The following FRAS1 variants were observed in gnomAD, a reference collection of about 807,000 sequenced individuals.
The protein encoded by FRAS1 is Fraser extracellular matrix complex subunit 1, also known as extracellular matrix organizing protein FRAS1.
FRAS1 carries 290 observed loss-of-function variants against 435.2 expected under a neutral mutation model. That is an observed-to-expected ratio of 0.67 (90% CI 0.61 to 0.73). FRAS1 has a LOEUF of 0.73. FRAS1 is among the 30% of genes least tolerant of loss of function. The pLI is 0.00. For missense variants in FRAS1, 4,860 were observed against 5,001.5 expected, an observed-to-expected ratio of 0.97 and a Z score of 0.85; for synonymous variants, 1,800 against 1,851.0, an observed-to-expected ratio of 0.97 and a Z score of 0.71.
At chr4:78,507,061 T>C (rs1226793604) in intron 61 of FRAS1, among the ~76,000 whole-genome samples, 1 of 152,084 alleles carries the variant, frequency 6.6e-6, no homozygotes, top group African/African-American at 2.4e-5. Flanking sequence ...CAGGAGCTCA[T>C]GCAAAATGTA....
chr4:78,175,410 T>C (rs144251684), intron 2 of FRAS1, among the ~76,000 whole-genome samples: 185 of 152,256 alleles, frequency 1.2e-3, no homozygotes, highest in African/African-American at 4.3e-3. Context: ...TACTCTGCCA[T>C]TGAATGCACC....
intron 2 of FRAS1, among the ~76,000 whole-genome samples, chr4:78,113,741 T>C (rs1742914587): frequency 6.6e-6 from 1 of 152,184 alleles, no homozygotes; most frequent in Admixed American, 6.5e-5. Context: ...CTTTGTTAGA[T>C]GAGTAGATTG....
intron 18 of FRAS1, among the ~76,000 whole-genome samples, chr4:78,329,597 GTC>G (rs1212876403): frequency 6.6e-6 from 1 of 152,208 alleles, no homozygotes; most frequent in East Asian, 1.9e-4. Flanking sequence ...ATTTAAGACA[GTC>G]TGTTATGTGG....
At chr4:78,091,879 G>A (rs1741542827) in intron 2 of FRAS1, among the ~76,000 whole-genome samples, 2 of 143,720 alleles carry the variant, frequency 1.4e-5, no homozygotes. Context: ...GGGTATAGTA[G>A]TATGTGCCTG....
intron 20 of FRAS1, among the ~76,000 whole-genome samples, chr4:78,355,958 A>T (rs1377346291): frequency 6.6e-6 from 1 of 152,190 alleles, no homozygotes; most frequent in Non-Finnish European, 1.5e-5. Flanking sequence ...AAATAAGAAG[A>T]ATTCACGAGT....
intron 2 of FRAS1, among the ~76,000 whole-genome samples, chr4:78,091,623 T>TTGTGTGTGTG (rs10631175): frequency 1.1e-4 from 16 of 148,104 alleles, no homozygotes; most frequent in African/African-American, 3.0e-4. Flanking sequence ...ACACGTGTGT[T>TTGTGTGTGTG]TGTGTGTGTG....
intron 2 of FRAS1, among the ~76,000 whole-genome samples, chr4:78,140,427 G>A (rs948800571): frequency 6.6e-6 from 1 of 152,018 alleles, no homozygotes. Context: ...AACTGGATTA[G>A]TTTTCTAGTT....
intron 2 of FRAS1, among the ~76,000 whole-genome samples, chr4:78,101,296 C>G (rs10213609): frequency 1.3e-5 from 2 of 151,840 alleles, no homozygotes; most frequent in East Asian, 3.9e-4. Context: ...GATTAGAACA[C>G]CTTTGTGCTT....
At chr4:78,518,666 T>C (rs542264059) in intron 66 of FRAS1, among the ~76,000 whole-genome samples, 1 of 152,112 alleles carries the variant, frequency 6.6e-6, no homozygotes, top group East Asian at 1.9e-4. Flanking sequence ...TTAGAAGAAA[T>C]GTTCTCTTGG....
In FRAS1 at chr4:78,121,875, T is replaced by C. The variant is rs777502270; in HGVS notation, c.108+55859T>C. ...AGCTCTTGGATGGTAAATCTTGGGA[T>C]GCCCAAAGGTAAAGACATTGACATG... is the stretch of plus-strand genomic sequence containing the variant. On this transcript the variant is annotated intron_variant, in intron 2 of 73. Coordinates refer to ENST00000512123, the MANE Select transcript of FRAS1 (RefSeq NM_025074.7). Among the ~76,000 whole-genome samples, 7 of 152,308 alleles carry C rather than the reference T, an allele frequency of 4.6e-5. No individual in the cohort carries two copies. The East Asian group carries it at 5.8e-4, about 13-fold the overall frequency.
chr4:78,524,129 AT>A (rs1171592233), intron 69 of FRAS1, among the ~76,000 whole-genome samples: 1 of 152,158 alleles, frequency 6.6e-6, no homozygotes, highest in African/African-American at 2.4e-5. Context: ...AACACAGCTC[AT>A]TATCTTATGA....
Position 78,329,363 on chromosome 4 carries a change from T to C in FRAS1, c.2138-3909T>C, listed in dbSNP as rs369531923. Among the ~76,000 whole-genome samples, 6 of 152,336 alleles carry C rather than the reference T, an allele frequency of 3.9e-5. No individual in the cohort carries two copies. In the East Asian group the frequency reaches 7.7e-4, roughly 20 times the overall value. On this transcript the variant is annotated intron_variant, in intron 18 of 73. Coordinates refer to ENST00000512123, the MANE Select transcript of FRAS1 (RefSeq NM_025074.7). The stretch of plus-strand genomic sequence containing the variant: ...CCTCCCCCTCAATGCATTTAATTAA[T>C]GAAGTGCTACAGCGAATTCTAAAGA...
intron 2 of FRAS1, among the ~76,000 whole-genome samples, chr4:78,136,935 C>T (rs1161800281): frequency 1.3e-5 from 2 of 152,232 alleles, no homozygotes; most frequent in African/African-American, 2.4e-5. Flanking sequence ...TTTTGGGATA[C>T]AGGGGTGAAT....
intron 2 of FRAS1, among the ~76,000 whole-genome samples, chr4:78,188,990 A>G (rs1722409920): frequency 6.6e-6 from 1 of 152,192 alleles, no homozygotes; most frequent in African/African-American, 2.4e-5. Context: ...CTAATTAATT[A>G]TGTCCAGGTG....
rs117369215 is a variant in FRAS1 at position 78,180,834 on chromosome 4, C to G, written c.109-56676C>G. ...CAAAAGCTTTGAACAGAAGGGTTCA[C>G]GAAGGAACCAGGGTTGTCTTATGGC... On this transcript the variant is annotated intron_variant, in intron 2 of 73. Coordinates refer to ENST00000512123, the MANE Select transcript of FRAS1 (RefSeq NM_025074.7). The G allele has an allele frequency of 6.0e-4, 896 of 1,493,538 alleles. 2 individuals carry two copies. The African/African-American group carries it at 0.011, about 18-fold the overall frequency. 92.5% of individuals were successfully genotyped at this position (1,493,538 alleles called of 1,614,324 possible). A position where few individuals can be genotyped will look rare whatever the true frequency, so the allele number is the denominator to read the frequency against.
chr4:78,286,339 T>C (rs940484831), intron 13 of FRAS1, 66 bp from the exon 14 acceptor site: 2 of 1,588,348 alleles, frequency 1.3e-6, no homozygotes, highest in Admixed American at 1.7e-5. Context: ...AGCACTGGCA[T>C]GGGGGTGGTG....
At chr4:78,440,269 T>G (rs536898858) in intron 40 of FRAS1, among the ~76,000 whole-genome samples, 5 of 151,996 alleles carry the variant, frequency 3.3e-5, no homozygotes, top group African/African-American at 7.2e-5. Context: ...CCTGACCTCA[T>G]GATCCACCCG....
intron 2 of FRAS1, among the ~76,000 whole-genome samples, chr4:78,116,517 T>C (rs1208036889): frequency 6.6e-6 from 1 of 152,218 alleles, no homozygotes; most frequent in Non-Finnish European, 1.5e-5. Context: ...GGTGCTCCTG[T>C]ATTGGGTTCA....
chr4:78,214,014 C>T (rs1182724463), intron 2 of FRAS1, among the ~76,000 whole-genome samples: 5 of 152,174 alleles, frequency 3.3e-5, no homozygotes, highest in Admixed American at 6.5e-5. Flanking sequence ...AGCTGGAACT[C>T]GGGAATAAGG....
Sources: allele counts gnomAD v4.1 joint callset (sites outside exome capture counted in the v4.1 genomes callset), GRCh38; gene constraint gnomAD v4.1.1; transcripts MANE v1.5; gene names NCBI Gene and HGNC (gene_info 2026-07-23, HGNC 2026-07-21).